TARS3: variants seen among roughly 807,000 people sequenced by gnomAD.
TARS3 encodes threonyl-tRNA synthetase 3.
TARS3 carries 94 observed loss-of-function variants against 103.5 expected under a neutral mutation model. That is an observed-to-expected ratio of 0.91 (90% CI 0.77 to 1.08). The LOEUF (loss-of-function observed/expected upper bound fraction) is 1.08. Among genes scored for constraint, TARS3 ranks in the 50% least tolerant of loss-of-function variants. TARS3 has a pLI of 0.00. For synonymous variants in TARS3, 416 were observed against 355.4 expected, an observed-to-expected ratio of 1.17 and a Z score of -1.92; for missense variants, 952 against 995.2, an observed-to-expected ratio of 0.96 and a Z score of 0.58.
chr15:101,672,265 A>G (rs776657289), intron 13 of TARS3, among the ~76,000 whole-genome samples: 2 of 152,174 alleles, frequency 1.3e-5, no homozygotes, highest in Non-Finnish European at 2.9e-5. Flanking sequence ...GTGTGGAGGC[A>G]TGAGGCTCCA....
intron 10 of TARS3, among the ~76,000 whole-genome samples, chr15:101,687,812 A>C (rs1008190412): frequency 2.0e-5 from 3 of 152,098 alleles, no homozygotes; most frequent in Admixed American, 6.5e-5. Flanking sequence ...CTCATGAATG[A>C]GATTAGTGTC....
chr15:101,719,281 AGACTT>A (rs1900323251), intron 3 of TARS3, among the ~76,000 whole-genome samples: 2 of 152,340 alleles, frequency 1.3e-5, no homozygotes, highest in South Asian at 4.1e-4. Flanking sequence ...TGGTGTGAGC[AGACTT>A]GTCTATCAGT....
At chr15:101,714,258 C>T (rs986564364) in intron 4 of TARS3, among the ~76,000 whole-genome samples, 4 of 152,032 alleles carry the variant, frequency 2.6e-5, no homozygotes, top group Non-Finnish European at 5.9e-5. Context: ...TCATTTCAAA[C>T]ACACATTGAT....
At chr15:101,707,707 G>C (rs1267781507) in intron 6 of TARS3, among the ~76,000 whole-genome samples, 5 of 152,098 alleles carry the variant, frequency 3.3e-5, no homozygotes, top group Non-Finnish European at 2.9e-5. Flanking sequence ...GGGCGGGAAT[G>C]GGGAGCTAAT....
rs752967115 is a variant in TARS3, at chr15:101,714,942, C to T, written c.588G>A (p.Thr196=). The change falls in exon 4 of 19, where the codon ACG becomes ACA. Residue 196 remains threonine (T), a synonymous_variant. Coordinates refer to ENST00000335968, the MANE Select transcript of TARS3 (RefSeq NM_152334.3). ...GTTCACCATTGACTTTGGCTATTAC[C>T]GTGCTTTCAGCCAGTTCCTGACTAA... is the stretch of plus-strand genomic sequence containing the variant. ...AEISQELAES[T]VIAKVNGELW... is the part of the protein sequence containing the mutation. 20 of 1,610,054 alleles carry T rather than the reference C, an allele frequency of 1.2e-5. No individual in the cohort carries two copies. Among genetic ancestry groups the T allele is most frequent in the African/African-American group, 2.7e-5 (2 of 74,730 alleles).
intron 3 of TARS3, among the ~76,000 whole-genome samples, chr15:101,720,665 T>C (rs1262939046): frequency 6.6e-6 from 1 of 152,142 alleles, no homozygotes; most frequent in Non-Finnish European, 1.5e-5. Flanking sequence ...AAAAAAAAAT[T>C]AGCTGATATG....
intron 6 of TARS3, 146 bp from the exon 7 acceptor site, chr15:101,705,893 G>A: frequency 1.4e-6 from 1 of 695,054 alleles, no homozygotes; most frequent in South Asian, 1.7e-5. Context: ...TCACAGCCTT[G>A]AGCGACACCG....
At chr15:101,670,658 A>G (rs1420980197) in intron 15 of TARS3, among the ~76,000 whole-genome samples, 3 of 152,200 alleles carry the variant, frequency 2.0e-5, no homozygotes. Context: ...ACCCATTCCC[A>G]GTTATTTAAC....
intron 13 of TARS3, among the ~76,000 whole-genome samples, chr15:101,672,591 AGAAAGCTGACTCCTGG>A (rs71769259): frequency 0.37 from 55,537 of 151,794 alleles, 10,937 homozygotes; most frequent in Non-Finnish European, 0.45. Context: ...GCCATCATCA[AGAAAGCTGACTCCTGG>A]GAAAGCTGAC....
At chr15:101,680,830 TC>T (rs1234522314) in intron 12 of TARS3, among the ~76,000 whole-genome samples, 1 of 152,210 alleles carries the variant, frequency 6.6e-6, no homozygotes, top group African/African-American at 2.4e-5. Flanking sequence ...TCAACTTTTT[TC>T]TTTTATGGAT....
chr15:101,711,403 G>A (rs759086247), intron 5 of TARS3, among the ~76,000 whole-genome samples: 2 of 152,092 alleles, frequency 1.3e-5, no homozygotes, highest in African/African-American at 2.4e-5. Context: ...AACAACAAAG[G>A]TTAGAACTGC....
chr15:101,711,906 A>C lies in TARS3; in HGVS notation c.786T>G (p.Phe262Leu). The stretch of plus-strand genomic sequence containing the variant: ...TGTCTTCAATGAACATGTCATAATA[A>C]AATCCATTTTCAATGGGCGGACCGT... ...LCYGPPIENG[F>L]YYDMFIEDRA... Residue 262 changes from phenylalanine to leucine, a missense_variant, in exon 5 of 19, where the codon TTT (phenylalanine) becomes TTG (leucine). This residue lies in a region of TARS3 where 412 missense variants were observed against 364.2 expected (regional missense o/e 1.13). Transcript: ENST00000335968. 1.9e-6 allele frequency: 3 copies of C among 1,613,968 alleles called. No homozygotes were observed. Among genetic ancestry groups the C allele is most frequent in the Non-Finnish European group, 2.5e-6 (3 of 1,179,846 alleles).
intron 3 of TARS3, among the ~76,000 whole-genome samples, 175 bp downstream of exon 3, chr15:101,720,951 C>T (rs544010696): frequency 6.6e-6 from 1 of 152,308 alleles, no homozygotes; most frequent in African/African-American, 2.4e-5. Context: ...CCTCCCCAGC[C>T]CTGCGGAACT....
intron 15 of TARS3, among the ~76,000 whole-genome samples, chr15:101,662,206 T>G (rs1897408394): frequency 6.6e-6 from 1 of 152,140 alleles, no homozygotes; most frequent in Non-Finnish European, 1.5e-5. Context: ...TGAAGTCCAC[T>G]GGTCAAATTC....
intron 10 of TARS3, among the ~76,000 whole-genome samples, chr15:101,687,956 C>T (rs1441858216): frequency 6.6e-6 from 1 of 152,158 alleles, no homozygotes; most frequent in Non-Finnish European, 1.5e-5. Flanking sequence ...CTTAGACTTA[C>T]TGCCTCTAGA....
intron 1 of TARS3, 41 bp downstream of exon 1, chr15:101,724,050 C>G: frequency 1.5e-6 from 2 of 1,335,206 alleles, no homozygotes; most frequent in Non-Finnish European, 1.9e-6. Context: ...TCTCGGCCCG[C>G]CCCGCCCGCG....
Position 101,657,050 on chromosome 15 carries a change from A to T in TARS3, c.2146-14T>A. On this transcript the variant is annotated splice_polypyrimidine_tract_variant and intron_variant, in intron 17 of 18. Transcript: ENST00000335968. ...TTCACTGGATACCTAGAAGAAAATG[A>T]AACACCTTTACTGTTACATTATGGT... 1 of 1,525,684 alleles carries T rather than the reference A, an allele frequency of 6.6e-7. No individual in the cohort carries two copies. Among genetic ancestry groups the T allele is most frequent in the Non-Finnish European group, 9.1e-7 (1 of 1,100,778 alleles). The allele number at this position is 1,525,684 out of a possible 1,614,324, so 94.5% of individuals were successfully genotyped here.
chr15:101,699,116 A>T (rs1899126697), intron 10 of TARS3, among the ~76,000 whole-genome samples: 2 of 152,242 alleles, frequency 1.3e-5, no homozygotes, highest in Admixed American at 6.5e-5. Context: ...AATACTTGGC[A>T]TCTAACAAAA....
chr15:101,671,906 T>A (rs1004356746), intron 13 of TARS3, among the ~76,000 whole-genome samples, 158 bp from the exon 14 acceptor site: 4 of 152,192 alleles, frequency 2.6e-5, no homozygotes, highest in Non-Finnish European at 4.4e-5. Flanking sequence ...GAGCAGGGAC[T>A]ACACAGAGAT....
Sources: allele counts gnomAD v4.1 joint callset (sites outside exome capture counted in the v4.1 genomes callset), GRCh38; gene constraint gnomAD v4.1.1; regional missense constraint gnomAD v4.1.1; transcripts MANE v1.5; gene names NCBI Gene and HGNC (gene_info 2026-07-23, HGNC 2026-07-21).